The following PITPNC1 variants were observed in gnomAD, a reference collection of about 807,000 sequenced individuals.
PITPNC1 encodes the protein cytoplasmic phosphatidylinositol transfer protein 1.
PITPNC1 carries 18 observed loss-of-function variants against 44.7 expected under a neutral mutation model. The ratio of observed to expected loss-of-function variants is 0.40; its 90% CI spans 0.28 to 0.60. PITPNC1 has a LOEUF of 0.60. Ranked by LOEUF, PITPNC1 falls within the 20% of genes least tolerant of loss-of-function variation. The pLI, the probability that PITPNC1 is intolerant of heterozygous loss-of-function variation, is 0.39. For missense variants in PITPNC1, 290 were observed against 418.4 expected (o/e 0.69, Z 2.68); for synonymous variants, 141 against 149.6 (o/e 0.94, Z 0.42).
At chr17:67,604,655 T>C (rs926364635) in intron 5 of PITPNC1, among the ~76,000 whole-genome samples, 1 of 152,094 alleles carries the variant, frequency 6.6e-6, no homozygotes, top group Admixed American at 6.6e-5. Flanking sequence ...TGAAAGCATG[T>C]ACCTGTAGTC....
chr17:67,500,002 A>G (rs1013335392), intron 1 of PITPNC1, among the ~76,000 whole-genome samples: 2 of 152,230 alleles, frequency 1.3e-5, no homozygotes, highest in African/African-American at 4.8e-5. Context: ...TTCTCAATGT[A>G]TCAGTTTTAG....
At chr17:67,471,297 C>A (rs1227604127) in intron 1 of PITPNC1, among the ~76,000 whole-genome samples, 5 of 147,914 alleles carry the variant, frequency 3.4e-5, no homozygotes, top group African/African-American at 1.3e-4. Flanking sequence ...TAGTTTGTTC[C>A]TTTTTATTGC....
intron 7 of PITPNC1, 133 bp downstream of exon 7, chr17:67,669,796 T>C (rs1332802290): frequency 4.7e-6 from 3 of 643,994 alleles, no homozygotes; most frequent in Non-Finnish European, 7.9e-6. Flanking sequence ...TTTGGGCCGG[T>C]TGGGGTGGCC....
chr17:67,523,813 T>TC (rs1384613320), intron 1 of PITPNC1, among the ~76,000 whole-genome samples: 122 of 147,590 alleles, frequency 8.3e-4, no homozygotes, highest in South Asian at 3.3e-3. Context: ...AACCGTTTTT[T>TC]TTTTTTTTTT....
At chr17:67,434,187 G>A (rs532759889) in intron 1 of PITPNC1, among the ~76,000 whole-genome samples, 1 of 152,174 alleles carries the variant, frequency 6.6e-6, no homozygotes, top group East Asian at 1.9e-4. Flanking sequence ...GAGGCTTATG[G>A]CTCCGTAATG....
At chr17:67,611,890 G>A (rs1007370809) in intron 5 of PITPNC1, 3 of 152,180 alleles carry the variant, frequency 2.0e-5, no homozygotes, top group African/African-American at 7.2e-5. Context: ...CTTTCTTGGC[G>A]TGTAAGTGAT....
intron 6 of PITPNC1, among the ~76,000 whole-genome samples, chr17:67,650,048 CT>C (rs2042192679): frequency 6.6e-6 from 1 of 152,138 alleles, no homozygotes; most frequent in Non-Finnish European, 1.5e-5. Flanking sequence ...TTCTAACCCC[CT>C]AATCACCTGG....
intron 1 of PITPNC1, among the ~76,000 whole-genome samples, chr17:67,401,474 G>C (rs1253554805): frequency 6.6e-6 from 1 of 152,118 alleles, no homozygotes; most frequent in African/African-American, 2.4e-5. Flanking sequence ...ACTCCTTAGA[G>C]CTTTCAGGAT....
chr17:67,595,602 C>T (rs2041450533), intron 5 of PITPNC1, among the ~76,000 whole-genome samples: 1 of 152,164 alleles, frequency 6.6e-6, no homozygotes, highest in Admixed American at 6.5e-5. Context: ...CCTACTTGTA[C>T]ACAGGGCTCT....
At chr17:67,538,960 C>CT (rs903205321) in intron 2 of PITPNC1, among the ~76,000 whole-genome samples, 6 of 149,130 alleles carry the variant, frequency 4.0e-5, no homozygotes, top group Non-Finnish European at 7.4e-5. Flanking sequence ...CTTATAGATC[C>CT]TTTTTTTTTA....
At chr17:67,499,575 C>T (rs1288565130) in intron 1 of PITPNC1, among the ~76,000 whole-genome samples, 1 of 152,214 alleles carries the variant, frequency 6.6e-6, no homozygotes, top group African/African-American at 2.4e-5. Flanking sequence ...TGGTCTGCTA[C>T]CTCCCTACTT....
chr17:67,627,540 G>A (rs2041910756), intron 5 of PITPNC1, among the ~76,000 whole-genome samples: 1 of 152,210 alleles, frequency 6.6e-6, no homozygotes, highest in African/African-American at 2.4e-5. Flanking sequence ...CATGTTGCTG[G>A]GAGGTTCTCA....
At chr17:67,504,424 G>A (rs1394232382) in intron 1 of PITPNC1, among the ~76,000 whole-genome samples, 2 of 152,192 alleles carry the variant, frequency 1.3e-5, no homozygotes, top group East Asian at 3.8e-4. Context: ...GGTAGCAATT[G>A]CTTTGCTATT....
At chr17:67,507,088 C>T (rs965454208) in intron 1 of PITPNC1, among the ~76,000 whole-genome samples, 2 of 152,314 alleles carry the variant, frequency 1.3e-5, no homozygotes, top group African/African-American at 2.4e-5. Context: ...ATTCATCCCA[C>T]TTCAACGAGT....
chr17:67,654,961 G>C (rs1309703980), intron 6 of PITPNC1, among the ~76,000 whole-genome samples: 1 of 152,120 alleles, frequency 6.6e-6, no homozygotes, highest in Non-Finnish European at 1.5e-5. Flanking sequence ...TCTACAGATG[G>C]GGAGATGGAA....
At chr17:67,667,825 C>T (rs2042447131) in intron 6 of PITPNC1, among the ~76,000 whole-genome samples, 1 of 151,912 alleles carries the variant, frequency 6.6e-6, no homozygotes, top group Non-Finnish European at 1.5e-5. Context: ...ATTAAAAATA[C>T]AAAAATTAGC....
intron 6 of PITPNC1, among the ~76,000 whole-genome samples, chr17:67,666,975 T>G (rs2042432744): frequency 6.6e-6 from 1 of 152,232 alleles, no homozygotes; most frequent in African/African-American, 2.4e-5. Context: ...CAGTCTGGTC[T>G]GCATTAAAAG....
intron 1 of PITPNC1, among the ~76,000 whole-genome samples, chr17:67,412,076 A>T (rs1187538318): frequency 6.6e-6 from 1 of 152,102 alleles, no homozygotes; most frequent in East Asian, 1.9e-4. Flanking sequence ...AAGTCAACGA[A>T]ATTTTCTGTG....
chr17:67,467,054 ATTT>A (rs10623552), intron 1 of PITPNC1, among the ~76,000 whole-genome samples: 4 of 95,340 alleles, frequency 4.2e-5, no homozygotes, highest in Admixed American at 1.4e-4. Flanking sequence ...CAGTTAGGAG[ATTT>A]TTTTTTTTTT....
Sources: gnomAD v4.1 joint callset for allele counts (sites outside exome capture counted in the v4.1 genomes callset) on GRCh38, gnomAD v4.1.1 for gene constraint, MANE v1.5 for transcripts, NCBI Gene and HGNC (gene_info 2026-07-23, HGNC 2026-07-21) for gene names.